Variants in MBOAT1 observed in about 807,000 individuals in gnomAD.
MBOAT1 encodes membrane bound glycerophospholipid O-acyltransferase 1.
MBOAT1 carries 67 observed loss-of-function variants against 64.4 expected under a neutral mutation model. That is an observed-to-expected ratio of 1.04 (90% CI 0.85 to 1.27). The LOEUF is 1.27. MBOAT1 is among the 50% of genes most tolerant of loss of function. The probability of loss-of-function intolerance (pLI) is 0.00; values close to 1 mark genes in which losing one functional copy is unlikely to be tolerated. For synonymous variants in MBOAT1, 229 were observed against 218.9 expected (o/e 1.05, Z -0.41); for missense variants, 563 against 604.6 (o/e 0.93, Z 0.72).
chr6:20,179,778 C>A lies in MBOAT1; in HGVS notation c.100-27009G>T, dbSNP rs747082911. On this transcript the variant is annotated intron_variant, in intron 1 of 12. Coordinates refer to ENST00000324607, the MANE Select transcript of MBOAT1 (RefSeq NM_001080480.3). ...TTGAACTATTTTACATTCCTACCAA[C>A]AGTGTAAAAGTGCTCCTTTTTCTCC... 3.3e-5 allele frequency among the ~76,000 whole-genome samples: 5 copies of A among 152,226 alleles called. No individual in the cohort carries two copies. In the East Asian group the frequency reaches 9.6e-4, roughly 29 times the overall value.
At chr6:20,127,887 A>G (rs1443130602) in intron 6 of MBOAT1, among the ~76,000 whole-genome samples, 1 of 152,190 alleles carries the variant, frequency 6.6e-6, no homozygotes, top group Non-Finnish European at 1.5e-5. Flanking sequence ...GGTCCCAAAC[A>G]GGTTGGAGAC....
At chr6:20,184,155 G>T (rs1266142301) in intron 1 of MBOAT1, among the ~76,000 whole-genome samples, 1 of 152,210 alleles carries the variant, frequency 6.6e-6, no homozygotes, top group Non-Finnish European at 1.5e-5. Flanking sequence ...AATGCATGGA[G>T]TCTTTGGACA....
chr6:20,186,115 T>G (rs1762645348), intron 1 of MBOAT1, among the ~76,000 whole-genome samples: 1 of 152,118 alleles, frequency 6.6e-6, no homozygotes, highest in Non-Finnish European at 1.5e-5. Context: ...CCTAGGAGCT[T>G]GAGGCTGCAG....
chr6:20,200,438 A>G (rs1001618706), intron 1 of MBOAT1, among the ~76,000 whole-genome samples: 1 of 152,226 alleles, frequency 6.6e-6, no homozygotes, highest in Non-Finnish European at 1.5e-5. Context: ...AATTGGTCTT[A>G]AAGAGTACTG....
intron 6 of MBOAT1, 63 bp downstream of exon 6, chr6:20,128,636 G>T: frequency 8.2e-7 from 1 of 1,218,900 alleles, no homozygotes; most frequent in Non-Finnish European, 1.2e-6. Flanking sequence ...ATTTTTAAAT[G>T]AGGAAAATCT....
Position 20,126,544 on chromosome 6 carries a change from G to A in MBOAT1, c.687C>T (p.Phe229=). 1 of 1,612,480 alleles carries A rather than the reference G, an allele frequency of 6.2e-7. No individual in the cohort carries two copies. Among genetic ancestry groups the A allele is most frequent in the Non-Finnish European group, 8.5e-7 (1 of 1,179,644 alleles). The part of the protein sequence containing the change: ...LLEVNWKRKG[F]HSLPEPSPTG... Reference sequence around the variant, plus strand: ...TGGGAGAAGGTTCTGGCAAGCTGTGGAAACCTTTTCGCTTCCAGTTCACCT... The same window carrying A: ...TGGGAGAAGGTTCTGGCAAGCTGTGAAAACCTTTTCGCTTCCAGTTCACCT... The change falls in exon 7 of 13, where the codon TTC becomes TTT. Residue 229 remains phenylalanine, a synonymous_variant. Coordinates refer to ENST00000324607, the MANE Select transcript of MBOAT1 (RefSeq NM_001080480.3).
At chr6:20,129,590 G>A (rs1339715798) in intron 5 of MBOAT1, among the ~76,000 whole-genome samples, 1 of 150,498 alleles carries the variant, frequency 6.6e-6, no homozygotes, top group Non-Finnish European at 1.5e-5. Flanking sequence ...TAAACATTTT[G>A]CTGCATTTAA....
chr6:20,171,382 TAAAAAA>T (rs34821586), intron 1 of MBOAT1, among the ~76,000 whole-genome samples: 13,091 of 113,304 alleles, frequency 0.12, 620 homozygotes, highest in Admixed American at 0.14. Flanking sequence ...ACAAAAAACT[TAAAAAA>T]AAAAAAAAAA....
intron 1 of MBOAT1, among the ~76,000 whole-genome samples, chr6:20,164,322 A>C (rs969219918): frequency 6.6e-6 from 1 of 152,014 alleles, no homozygotes; most frequent in Non-Finnish European, 1.5e-5. Context: ...CTCAAATAAG[A>C]GACTTACAAG....
chr6:20,147,530 T>C (rs1761362332), intron 3 of MBOAT1, among the ~76,000 whole-genome samples: 1 of 152,154 alleles, frequency 6.6e-6, no homozygotes, highest in African/African-American at 2.4e-5. Flanking sequence ...TCCCAGCCTC[T>C]TGGGAGGCTT....
chr6:20,110,795 T>C (rs774925929), intron 11 of MBOAT1, among the ~76,000 whole-genome samples: 1 of 152,192 alleles, frequency 6.6e-6, no homozygotes, highest in African/African-American at 2.4e-5. Flanking sequence ...ATCTCCAGTA[T>C]AATTTTAAGT....
chr6:20,172,701 T>C (rs889382295), intron 1 of MBOAT1, among the ~76,000 whole-genome samples: 5 of 151,662 alleles, frequency 3.3e-5, no homozygotes, highest in African/African-American at 1.2e-4. Flanking sequence ...CAAATAAATA[T>C]AAAATATGTA....
chr6:20,204,506 T>C (rs1763205468), intron 1 of MBOAT1, among the ~76,000 whole-genome samples: 1 of 152,004 alleles, frequency 6.6e-6, no homozygotes, highest in Non-Finnish European at 1.5e-5. Flanking sequence ...AGCAATGTGA[T>C]ATGGATAGGA....
chr6:20,170,447 T>C (rs1252646242), intron 1 of MBOAT1, among the ~76,000 whole-genome samples: 1 of 152,230 alleles, frequency 6.6e-6, no homozygotes, highest in African/African-American at 2.4e-5. Context: ...AGCCAGCTGT[T>C]CAGGCCAGAA....
chr6:20,203,091 C>T (rs6935894), intron 1 of MBOAT1, among the ~76,000 whole-genome samples: 24,311 of 152,078 alleles, frequency 0.16, 2,232 homozygotes, highest in African/African-American at 0.24. Flanking sequence ...ATCACTTAAG[C>T]CCAGGAGTTC....
Position 20,124,479 on chromosome 6 carries a change from G to A in MBOAT1, c.836C>T (p.Pro279Leu), listed in dbSNP as rs146228602. 1.3e-3 allele frequency: 2,022 copies of A among 1,614,180 alleles called. 16 individuals are homozygous for A. In the Middle Eastern group the frequency reaches 0.02, roughly 16 times the overall value. The change falls in exon 8 of 13, where the codon CCG (proline) becomes CTG (leucine). Residue 279 changes from proline (P) to leucine (L), a missense_variant. Pro to Leu is a moderately conservative substitution (Grantham distance 98, BLOSUM62 -3). Coordinates refer to ENST00000324607, the MANE Select transcript of MBOAT1 (RefSeq NM_001080480.3). ...DDWFVHKASF[P>L]ARLCYLYVVM... ...AACATATAAGTAGCAGAGTCGAGCC[G>A]GAAAGCTTGCTTTATGGACAAACCA... is the stretch of plus-strand genomic sequence containing the variant.
intron 1 of MBOAT1, among the ~76,000 whole-genome samples, chr6:20,200,198 C>T (rs1053743798): frequency 2.8e-4 from 43 of 152,248 alleles, no homozygotes; most frequent in African/African-American, 9.4e-4. Flanking sequence ...ACAGAAGATT[C>T]CAGAGCCCCA....
At chr6:20,127,879 T>C (rs572125923) in intron 6 of MBOAT1, among the ~76,000 whole-genome samples, 40 of 152,166 alleles carry the variant, frequency 2.6e-4, no homozygotes, top group African/African-American at 9.6e-4. Flanking sequence ...ACTAAACTGG[T>C]CCCAAACAGG....
chr6:20,196,504 T>C (rs1762958467), intron 1 of MBOAT1, among the ~76,000 whole-genome samples: 2 of 152,158 alleles, frequency 1.3e-5, no homozygotes, highest in Admixed American at 1.3e-4. Flanking sequence ...CAAGGTTCTT[T>C]AGATGGGATG....
Sources: gnomAD v4.1 joint callset for allele counts (sites outside exome capture counted in the v4.1 genomes callset) on GRCh38, gnomAD v4.1.1 for gene constraint, MANE v1.5 for transcripts, NCBI Gene and HGNC (gene_info 2026-07-23, HGNC 2026-07-21) for gene names.